BMP7: variants seen among roughly 807,000 people sequenced by gnomAD.
BMP7 encodes the protein osteogenic protein 1.
In BMP7, 12 loss-of-function variants were observed where a neutral mutation model predicts 41.2. The ratio of observed to expected loss-of-function variants is 0.29; its 90% CI spans 0.19 to 0.47. The LOEUF (loss-of-function observed/expected upper bound fraction) is 0.47, where lower values mean the gene tolerates loss of function less well. BMP7 is among the 20% of genes least tolerant of loss of function. The probability of loss-of-function intolerance (pLI) is 0.99; values close to 1 mark genes in which losing one functional copy is unlikely to be tolerated. For missense variants in BMP7, 467 were observed against 606.0 expected, an observed-to-expected ratio of 0.77 and a Z score of 2.41; for synonymous variants, 248 against 250.0, an observed-to-expected ratio of 0.99 and a Z score of 0.07.
At chr20:57,196,068 C>G (rs534183248) in intron 3 of BMP7, among the ~76,000 whole-genome samples, 1 of 152,254 alleles carries the variant, frequency 6.6e-6, no homozygotes, top group East Asian at 1.9e-4. Context: ...ATTGACATGG[C>G]CCTCCTGAGT....
At chr20:57,198,503 G>A (rs1984553431) in intron 3 of BMP7, among the ~76,000 whole-genome samples, 1 of 152,212 alleles carries the variant, frequency 6.6e-6, no homozygotes, top group African/African-American at 2.4e-5. Flanking sequence ...GCCTCCTCCT[G>A]ATGAGCTGCA....
At chr20:57,223,234 A>AAGG (rs151105715) in intron 2 of BMP7, among the ~76,000 whole-genome samples, 1 of 24,234 alleles carries the variant, frequency 4.1e-5, no homozygotes, top group Admixed American at 4.1e-4. Flanking sequence ...CATCTCAAAA[A>AAGG]AAAAAAAAAA....
intron 4 of BMP7, among the ~76,000 whole-genome samples, chr20:57,180,765 C>T (rs940042498): frequency 6.6e-6 from 1 of 152,096 alleles, no homozygotes; most frequent in Non-Finnish European, 1.5e-5. Flanking sequence ...TACGGAATCC[C>T]TACACACTCT....
At chr20:57,195,487 T>C (rs937809238) in intron 3 of BMP7, among the ~76,000 whole-genome samples, 1 of 152,092 alleles carries the variant, frequency 6.6e-6, no homozygotes, top group Non-Finnish European at 1.5e-5. Context: ...GAAGGACCGA[T>C]CCCCGCCACT....
chr20:57,248,783 T>TTTTTGTTTTG (rs149345309), intron 1 of BMP7, among the ~76,000 whole-genome samples: 4 of 151,418 alleles, frequency 2.6e-5, no homozygotes, highest in Non-Finnish European at 5.9e-5. Flanking sequence ...GAGTTTTTTG[T>TTTTTGTTTTG]TTTTGTTTTG....
chr20:57,181,614 C>T (rs964114990), intron 4 of BMP7, among the ~76,000 whole-genome samples: 6 of 152,324 alleles, frequency 3.9e-5, no homozygotes, highest in East Asian at 1.9e-4. Flanking sequence ...ACAATACAAG[C>T]GGATTATAGC....
At chr20:57,202,239 A>G (rs888023726) in intron 3 of BMP7, among the ~76,000 whole-genome samples, 4 of 151,964 alleles carry the variant, frequency 2.6e-5, no homozygotes, top group African/African-American at 9.7e-5. Flanking sequence ...CTGATATGGG[A>G]CCACCCTTTG....
chr20:57,234,108 G>A (rs1007569522), intron 1 of BMP7, among the ~76,000 whole-genome samples: 7 of 152,084 alleles, frequency 4.6e-5, no homozygotes, highest in African/African-American at 1.4e-4. Context: ...TCGTGTATCT[G>A]TCTCTCTTGG....
rs115730441 is a variant in BMP7 at position 57,177,195 on chromosome 20, A to G, written c.959-2188T>C. Among the ~76,000 whole-genome samples the G allele has an allele frequency of 5.8e-3, 890 of 152,296 alleles. 12 individuals carry two copies. The highest frequency in any genetic ancestry group is 0.019 in the African/African-American group (806 of 41,556). ...CAGCAAGCCAAGAGTGGAAAGCAGA[A>G]AGGAGAAAGAAGAGGGTTGAGGAGG... On this transcript the variant is annotated intron_variant, in intron 4 of 6. Coordinates refer to ENST00000395863, the MANE Select transcript of BMP7 (RefSeq NM_001719.3).
At chr20:57,220,019 A>G (rs990994479) in intron 2 of BMP7, among the ~76,000 whole-genome samples, 2 of 152,324 alleles carry the variant, frequency 1.3e-5, no homozygotes, top group Admixed American at 1.3e-4. Context: ...AAAGGGATCC[A>G]TTAGCAATGC....
intron 1 of BMP7, among the ~76,000 whole-genome samples, chr20:57,257,242 C>T (rs2066137448): frequency 6.6e-6 from 1 of 152,136 alleles, no homozygotes; most frequent in African/African-American, 2.4e-5. Flanking sequence ...TTATACTGAC[C>T]AGATGAAGGG....
At chr20:57,241,682 A>G (rs1180738822) in intron 1 of BMP7, among the ~76,000 whole-genome samples, 1 of 152,146 alleles carries the variant, frequency 6.6e-6, no homozygotes, top group African/African-American at 2.4e-5. Flanking sequence ...TGGAGGCGAG[A>G]CCACAGGCAG....
chr20:57,227,402 A>G (rs1372495058), intron 2 of BMP7, among the ~76,000 whole-genome samples: 1 of 67,366 alleles, frequency 1.5e-5, no homozygotes, highest in East Asian at 4.5e-4. Flanking sequence ...ACCCCCCACC[A>G]GCACCAAATA....
chr20:57,265,868 G>C lies in BMP7; in HGVS notation c.255C>G (p.Asp85Glu). The change falls in exon 1 of 7, where the codon GAC becomes GAG. Residue 85 changes from aspartate to glutamate, a missense_variant. This residue lies in a region of BMP7 where 407 missense variants were observed against 485.9 expected (regional missense o/e 0.84). Transcript: ENST00000395863. ...KHNSAPMFMLDLYNAMAVEEG... is the reference protein window; with the variant it reads ...KHNSAPMFMLELYNAMAVEEG... ...CCTCCACCGCCATGGCGTTGTACAG[G>C]TCCAGCATGAACATGGGTGCCGAGT... 6.2e-7 allele frequency: 1 copy of C among 1,605,776 alleles called. No individual in the cohort carries two copies. The highest frequency in any genetic ancestry group is 8.5e-7 in the Non-Finnish European group (1 of 1,176,488).
Position 57,171,991 on chromosome 20 carries a change from C to A in BMP7, c.1147-883G>T, listed in dbSNP as rs1983825574. Among the ~76,000 whole-genome samples, 1 of 152,224 alleles carries A rather than the reference C, an allele frequency of 6.6e-6. No individual in the cohort carries two copies. Among genetic ancestry groups the A allele is most frequent in the African/African-American group, 2.4e-5 (1 of 41,442 alleles). On this transcript the variant is annotated intron_variant, in intron 6 of 6. Transcript: ENST00000395863. The surrounding 1 kb of genome is among the most constrained non-coding windows in gnomAD (Gnocchi z 4.5). ...TAGAAGACAGTTGCCCCCTTTTAAA[C>A]ATGACCACAATCGCATCATTTCACA...
chr20:57,228,546 A>G lies in BMP7; in HGVS notation c.419-125T>C, dbSNP rs1248175786. 8.8e-7 allele frequency: 1 copy of G among 1,142,814 alleles called. No individual in the cohort carries two copies. Among genetic ancestry groups the G allele is most frequent in the East Asian group, 2.4e-5 (1 of 41,958 alleles). 70.8% of individuals were successfully genotyped at this position (1,142,814 alleles called of 1,614,324 possible). A position where few individuals can be genotyped will look rare whatever the true frequency, so the allele number is the denominator to read the frequency against. On this transcript the variant is annotated intron_variant, in intron 1 of 6. Transcript: ENST00000395863. This position sits in a 1 kb window ranked among gnomAD's most constrained non-coding sequence, Gnocchi z 4.5. ...AGGCATGCCCATTGCCAGTGACCCC[A>G]GTGACAACTGCTCCTTCCTCACCAA...
At chr20:57,186,960 G>A (rs900224533) in intron 3 of BMP7, 2 of 152,188 alleles carry the variant, frequency 1.3e-5, no homozygotes, top group East Asian at 3.8e-4. Flanking sequence ...CATTAAAGCT[G>A]AGCCCCTAGG....
Position 57,197,118 on chromosome 20 carries a change from T to C in BMP7, c.760+5357A>G, listed in dbSNP as rs1984510924. Among the ~76,000 whole-genome samples the C allele has an allele frequency of 5.3e-5, 8 of 152,154 alleles. No individual in the cohort carries two copies. The South Asian group carries it at 1.7e-3, about 32-fold the overall frequency. On this transcript the variant is annotated intron_variant, in intron 3 of 6. Transcript: ENST00000395863. The stretch of plus-strand genomic sequence containing the variant: ...GGTTTCACCATGTTGCCCAGGCTGG[T>C]CTCAAACTCCTGACCTCGTGATCTG...
intron 2 of BMP7, among the ~76,000 whole-genome samples, chr20:57,227,073 T>A (rs1431680969): frequency 6.6e-6 from 1 of 152,164 alleles, no homozygotes; most frequent in Non-Finnish European, 1.5e-5. Flanking sequence ...ATGATCCACC[T>A]GCCTTGGCCT....
Sources: gnomAD v4.1 joint callset for allele counts (sites outside exome capture counted in the v4.1 genomes callset) on GRCh38, gnomAD v4.1.1 for gene constraint, gnomAD v4.1.1 regional missense constraint, Gnocchi (gnomAD v3.1) non-coding constraint, MANE v1.5 for transcripts, NCBI Gene and HGNC (gene_info 2026-07-23, HGNC 2026-07-21) for gene names.